The following NBN variants were observed in gnomAD, a reference collection of about 807,000 sequenced individuals.
The protein encoded by NBN is nibrin, also known as Nijmegen breakage syndrome 1 (nibrin).
In NBN, 88 loss-of-function variants were observed where a neutral mutation model predicts 90.8. The observed-to-expected ratio is 0.97, with a 90% CI of 0.82 to 1.16. The LOEUF is 1.16. Among genes scored for constraint, NBN ranks in the 50% most tolerant of loss-of-function variants. The pLI is 0.00. For missense variants in NBN, 894 were observed against 869.6 expected, an observed-to-expected ratio of 1.03 and a Z score of -0.35; for synonymous variants, 328 against 295.1, an observed-to-expected ratio of 1.11 and a Z score of -1.14.
intron 5 of NBN, 38 bp downstream of exon 5, chr8:89,978,182 T>A (rs764266452): frequency 1.3e-6 from 2 of 1,529,288 alleles, no homozygotes; most frequent in African/African-American, 2.7e-5. Flanking sequence ...TGCTATCATA[T>A]AAGTGACATC....
At chr8:89,935,888 G>A (rs1809649204) in intron 15 of NBN, among the ~76,000 whole-genome samples, 1 of 151,820 alleles carries the variant, frequency 6.6e-6, no homozygotes, top group African/African-American at 2.4e-5. Flanking sequence ...AAAAATGAAG[G>A]TATGTTTACA....
chr8:89,939,214 G>T (rs1388624669), intron 14 of NBN, among the ~76,000 whole-genome samples: 1 of 150,948 alleles, frequency 6.6e-6, no homozygotes, highest in African/African-American at 2.5e-5. Flanking sequence ...GGATGAAAAA[G>T]AAAAATAGGG....
chr8:89,969,614 T>G (rs917770966), intron 7 of NBN, among the ~76,000 whole-genome samples: 1 of 152,152 alleles, frequency 6.6e-6, no homozygotes, highest in Non-Finnish European at 1.5e-5. Context: ...ATATACCAAG[T>G]CACAATTAAT....
At chr8:89,946,910 G>A (rs974311548) in intron 12 of NBN, among the ~76,000 whole-genome samples, 1 of 152,062 alleles carries the variant, frequency 6.6e-6, no homozygotes, top group African/African-American at 2.4e-5. Flanking sequence ...TTGGCTTCGT[G>A]TCATTTACTA....
In NBN at chr8:89,982,758, A is replaced by G. The variant is rs770618624; in HGVS notation, c.135T>C (p.His45=). ...IENDQSISRN[H]AVLTANFSVT... ...CAGAAAAGTTAGCAGTTAACACAGCATGATTTCGGCTGATCGACTGATCAT... is the reference window on the plus strand; with the variant it reads ...CAGAAAAGTTAGCAGTTAACACAGCGTGATTTCGGCTGATCGACTGATCAT... Residue 45 remains histidine (H), a synonymous_variant, in exon 2 of 16, where the codon CAT becomes CAC. Coordinates refer to ENST00000265433, the MANE Select transcript of NBN (RefSeq NM_002485.5). 1.2e-6 allele frequency: 2 copies of G among 1,614,044 alleles called. No homozygotes were observed. The highest frequency in any genetic ancestry group is 2.2e-5 in the East Asian group (1 of 44,848).
At chr8:89,936,933 G>T in intron 15 of NBN, 93 bp downstream of exon 15, 2 of 975,018 alleles carry the variant, frequency 2.1e-6, no homozygotes, top group Non-Finnish European at 3.2e-6. Context: ...GTGTCTATGA[G>T]GACAGAAGAA....
rs115171095 is a variant in NBN, at chr8:89,976,696, T to C, written c.584+1524A>G. ...AGCTCACTCTTTCACTGGATACCTG[T>C]GTTTGAGTGCATTTGTTCATCTGTC... On this transcript the variant is annotated intron_variant, in intron 5 of 15. Coordinates refer to ENST00000265433, the MANE Select transcript of NBN (RefSeq NM_002485.5). 2.1e-3 allele frequency among the ~76,000 whole-genome samples: 320 copies of C among 152,314 alleles called. 2 individuals are homozygous for C. Among genetic ancestry groups the C allele is most frequent in the African/African-American group, 7.0e-3 (291 of 41,582 alleles).
chr8:89,965,070 C>T (rs900879918), intron 7 of NBN, among the ~76,000 whole-genome samples: 7 of 151,686 alleles, frequency 4.6e-5, no homozygotes, highest in Non-Finnish European at 1.0e-4. Flanking sequence ...GCTGAGATCG[C>T]GCCACTGCAC....
chr8:89,982,571 ATAAG>A, intron 2 of NBN, 147 bp downstream of exon 2: 1 of 703,596 alleles, frequency 1.4e-6, no homozygotes, highest in South Asian at 1.7e-5. Flanking sequence ...CTGCCACAAT[ATAAG>A]TATTTAATTT....
intron 8 of NBN, 84 bp downstream of exon 8, chr8:89,964,326 G>T (rs887830608): frequency 4.9e-6 from 7 of 1,440,366 alleles, no homozygotes; most frequent in African/African-American, 1.4e-5. Context: ...GTCACCCCTA[G>T]CAAGTATATG....
chr8:89,961,776 A>C (rs1811002658), intron 8 of NBN, among the ~76,000 whole-genome samples: 1 of 152,240 alleles, frequency 6.6e-6, no homozygotes, highest in Non-Finnish European at 1.5e-5. Context: ...AGAGCTAGTT[A>C]AAATTTTTGA....
At position 89,966,459 on chromosome 8, in the gene NBN, CAG is replaced by C. The variant is rs1811259145; in HGVS notation, c.897-1954_897-1953del. Reference sequence around the variant, plus strand: ...CAATATCATTCATTTATAATAATATCAGAGAATATGTACTAGCTAGGAATAAA... The same window carrying C: ...CAATATCATTCATTTATAATAATATCAGAATATGTACTAGCTAGGAATAAA... On this transcript the variant is annotated intron_variant, in intron 7 of 15. Transcript: ENST00000265433. Among the ~76,000 whole-genome samples the C allele has an allele frequency of 2.0e-5, 3 of 152,192 alleles. No individual in the cohort carries two copies. The South Asian group carries it at 6.2e-4, about 32-fold the overall frequency.
At position 89,966,994 on chromosome 8, in the gene NBN, A is replaced by G. The variant is rs573862069; in HGVS notation, c.897-2487T>C. ...TATCTTTAGCACTGACTAAAACAGA[A>G]AAGATTTTTACTATATAGCAGGTCC... On this transcript the variant is annotated intron_variant, in intron 7 of 15. Transcript: ENST00000265433. 2.6e-5 allele frequency among the ~76,000 whole-genome samples: 4 copies of G among 152,358 alleles called. No homozygotes were observed. In the South Asian group the frequency reaches 8.3e-4, roughly 32 times the overall value.
intron 1 of NBN, 38 bp downstream of exon 1, chr8:89,984,487 C>T (rs1812236500): frequency 2.5e-6 from 4 of 1,593,482 alleles, no homozygotes; most frequent in Non-Finnish European, 2.6e-6. Context: ...CAGTCGCTAC[C>T]GGGAAAATAG....
At position 89,934,868 on chromosome 8, in the gene NBN, C is replaced by T. The variant is rs186378464; in HGVS notation, c.*714G>A. The T allele has an allele frequency of 8.6e-6, 2 of 232,736 alleles. No homozygotes were observed. The highest frequency in any genetic ancestry group is 1.7e-5 in the Non-Finnish European group (2 of 117,806). 14.4% of individuals were successfully genotyped at this position (232,736 alleles called of 1,614,324 possible). On this transcript the variant is annotated 3_prime_UTR_variant, in exon 16 of 16. Coordinates refer to ENST00000265433, the MANE Select transcript of NBN (RefSeq NM_002485.5). ...AAATAAGCTCAAAACAGACACCCAC[C>T]CAGCTCAGTAAGACCACCAAAAAGG...
At chr8:89,981,234 C>A in intron 3 of NBN, 141 bp downstream of exon 3, 1 of 896,670 alleles carries the variant, frequency 1.1e-6, no homozygotes, top group Admixed American at 2.2e-5. Context: ...GCACTCACCA[C>A]CCATGGCACA....
intron 11 of NBN, among the ~76,000 whole-genome samples, chr8:89,950,917 T>C (rs926375246): frequency 6.6e-6 from 1 of 151,916 alleles, no homozygotes; most frequent in Non-Finnish European, 1.5e-5. Flanking sequence ...TTAGCAGTCA[T>C]CCAGGATGAG....
chr8:89,981,291 T>C lies in NBN; in HGVS notation c.320+84A>G, dbSNP rs13312859. On this transcript the variant is annotated intron_variant, in intron 3 of 15. Coordinates refer to ENST00000265433, the MANE Select transcript of NBN (RefSeq NM_002485.5). Reference sequence around the variant, plus strand: ...AGGAACTAAATTATACTGTTTTAAATTCATTAATCAGAAATATCATTTTCC... The same window carrying C: ...AGGAACTAAATTATACTGTTTTAAACTCATTAATCAGAAATATCATTTTCC... 733 of 1,418,764 alleles carry C rather than the reference T, an allele frequency of 5.2e-4. 4 individuals are homozygous for C. In the African/African-American group the frequency reaches 9.5e-3, roughly 18 times the overall value. 87.9% of individuals were successfully genotyped at this position (1,418,764 alleles called of 1,614,324 possible). A position where few individuals can be genotyped will look rare whatever the true frequency, so the allele number is the denominator to read the frequency against.
At chr8:89,969,112 A>T (rs1811384501) in intron 7 of NBN, among the ~76,000 whole-genome samples, 1 of 152,246 alleles carries the variant, frequency 6.6e-6, no homozygotes. Flanking sequence ...TGGACTTTTC[A>T]GGCATATAAA....
Sources: allele counts gnomAD v4.1 joint callset (sites outside exome capture counted in the v4.1 genomes callset), GRCh38; gene constraint gnomAD v4.1.1; transcripts MANE v1.5; gene names NCBI Gene and HGNC (gene_info 2026-07-23, HGNC 2026-07-21).